Variants in CCDC196 observed in about 807,000 individuals in gnomAD.
CCDC196 encodes coiled-coil domain containing 196.
chr14:66,496,133 T>C, intron 8 of CCDC196: 1 of 363,442 alleles, frequency 2.8e-6, no homozygotes, highest in Non-Finnish European at 5.4e-6. Flanking sequence ...TTTTCTCTAG[T>C]TTCAAAAGAA....
chr14:66,495,354 C>T (rs574839480), intron 8 of CCDC196, among the ~76,000 whole-genome samples: 1 of 152,270 alleles, frequency 6.6e-6, no homozygotes, highest in East Asian at 1.9e-4. Context: ...ATACAAACAA[C>T]ATTAACATGG....
chr14:66,496,474 A>T (rs1409970915), intron 8 of CCDC196: 3 of 432,538 alleles, frequency 6.9e-6, no homozygotes, highest in African/African-American at 4.0e-5. Flanking sequence ...ATGCTGCCTC[A>T]CTTAGTCTGT....
At chr14:66,498,052 T>G (rs75829860) in intron 8 of CCDC196, 57 bp from the exon 9 acceptor site, 73 of 138,302 alleles carry the variant, frequency 5.3e-4, no homozygotes, top group Non-Finnish European at 7.4e-4. Flanking sequence ...AAACTAGTGG[T>G]TTTTTTTTTT....
At chr14:66,486,967 G>C (rs1317256709) in intron 2 of CCDC196, among the ~76,000 whole-genome samples, 158 bp downstream of exon 2, 1 of 151,898 alleles carries the variant, frequency 6.6e-6, no homozygotes, top group African/African-American at 2.4e-5. Context: ...ACCAAGTCAG[G>C]GTGACAACAA....
At chr14:66,490,671 C>A in intron 4 of CCDC196, 71 bp from the exon 5 acceptor site, 1 of 398,416 alleles carries the variant, frequency 2.5e-6, no homozygotes. Flanking sequence ...AAAACCTTGA[C>A]CCATATTGGT....
At chr14:66,491,256 A>C (rs2057528412) in intron 6 of CCDC196, among the ~76,000 whole-genome samples, 152 bp downstream of exon 6, 1 of 152,210 alleles carries the variant, frequency 6.6e-6, no homozygotes. Context: ...TTTGAGTTAG[A>C]GTGATATCAC....
At chr14:66,487,998 T>C (rs2057448846) in intron 2 of CCDC196, among the ~76,000 whole-genome samples, 162 bp from the exon 3 acceptor site, 1 of 152,154 alleles carries the variant, frequency 6.6e-6, no homozygotes, top group Admixed American at 6.5e-5. Flanking sequence ...AATGGAAACA[T>C]CTTAGTTACA....
chr14:66,495,305 A>G (rs1157144737), intron 8 of CCDC196, among the ~76,000 whole-genome samples: 3 of 152,216 alleles, frequency 2.0e-5, no homozygotes, highest in African/African-American at 7.2e-5. Flanking sequence ...CTCACCAGTT[A>G]TATGACTTGG....
At chr14:66,490,322 T>C (rs1256781637) in intron 4 of CCDC196, among the ~76,000 whole-genome samples, 4 of 152,220 alleles carry the variant, frequency 2.6e-5, no homozygotes, top group Non-Finnish European at 5.9e-5. Context: ...AAGATCTGGT[T>C]CAAATTCCAA....
chr14:66,486,473 C>T lies in CCDC196; in HGVS notation c.-30C>T, dbSNP rs202231583. 1 of 408,692 alleles carries T rather than the reference C, an allele frequency of 2.4e-6. No individual in the cohort carries two copies. The highest frequency in any genetic ancestry group is 4.4e-6 in the Non-Finnish European group (1 of 225,968). 25.3% of individuals were successfully genotyped at this position (408,692 alleles called of 1,614,324 possible). A position where few individuals can be genotyped will look rare whatever the true frequency, so the allele number is the denominator to read the frequency against. On this transcript the variant is annotated 5_prime_UTR_variant, in exon 1 of 10. Coordinates refer to ENST00000636229, the MANE Select transcript of CCDC196 (RefSeq NM_001351576.1). Reference sequence around the variant, plus strand: ...AAAAAGGCACATATTTTCAGGAAGGCCTCTTTATTCTTAGAAGTTACCCTT... The same window carrying T: ...AAAAAGGCACATATTTTCAGGAAGGTCTCTTTATTCTTAGAAGTTACCCTT...
chr14:66,492,488 C>G (rs375147576), intron 8 of CCDC196, among the ~76,000 whole-genome samples: 2 of 151,884 alleles, frequency 1.3e-5, no homozygotes, highest in Admixed American at 6.6e-5. Flanking sequence ...ATTACAGGCA[C>G]GCACCACCAT....
At position 66,486,809 on chromosome 14, in the gene CCDC196, G is replaced by A. The variant is rs2057411827; in HGVS notation, c.203G>A (p.Ser68Asn). The stretch of plus-strand genomic sequence containing the variant: ...TCTAACTTGGAGGAAAAACAAAGGA[G>A]GTACGGGCTCTTACTCTGGATTCCT... The part of the protein sequence containing the change: ...LMSNLEEKQR[S>N]LQIMRQIMAG... The change falls in exon 2 of 10, where the codon AGT (serine) becomes AAT (asparagine). Residue 68 changes from serine to asparagine, a missense_variant and splice_region_variant. Coordinates refer to ENST00000636229, the MANE Select transcript of CCDC196 (RefSeq NM_001351576.1). The A allele has an allele frequency of 2.4e-6, 1 of 413,082 alleles. No homozygotes were observed. The highest frequency in any genetic ancestry group is 3.6e-5 in the East Asian group (1 of 28,062). The allele number at this position is 413,082 out of a possible 1,614,324, so 25.6% of individuals were successfully genotyped here.
intron 8 of CCDC196, chr14:66,495,607 A>T (rs1375198445): frequency 6.6e-6 from 1 of 152,220 alleles, no homozygotes; most frequent in Non-Finnish European, 1.5e-5. Flanking sequence ...CTCAGTGAAG[A>T]AGCATACTCC....
chr14:66,491,590 T>G (rs1472788071), intron 6 of CCDC196, 36 bp from the exon 7 acceptor site: 2 of 413,640 alleles, frequency 4.8e-6, no homozygotes, highest in Non-Finnish European at 4.4e-6. Context: ...CTGATCTCAA[T>G]TTACTTTGTC....
chr14:66,497,061 G>A (rs1369152365), intron 8 of CCDC196, among the ~76,000 whole-genome samples: 1 of 152,140 alleles, frequency 6.6e-6, no homozygotes, highest in Non-Finnish European at 1.5e-5. Flanking sequence ...TGCTGCTGAA[G>A]GGAAAATAGT....
intron 8 of CCDC196, among the ~76,000 whole-genome samples, chr14:66,493,500 C>T (rs545516296): frequency 2.6e-5 from 4 of 152,240 alleles, no homozygotes; most frequent in African/African-American, 7.2e-5. Flanking sequence ...TGATGATAGT[C>T]GCCAATGTCT....
At chr14:66,490,101 A>G (rs2057501495) in intron 4 of CCDC196, among the ~76,000 whole-genome samples, 1 of 152,176 alleles carries the variant, frequency 6.6e-6, no homozygotes. Flanking sequence ...GCAGTTACAA[A>G]TTAGTTCTAT....
intron 2 of CCDC196, among the ~76,000 whole-genome samples, chr14:66,487,164 CTA>C (rs1337970329): frequency 6.6e-6 from 1 of 152,098 alleles, no homozygotes; most frequent in African/African-American, 2.4e-5. Flanking sequence ...TCTGCTCTTT[CTA>C]TGCCAAGCAG....
At chr14:66,487,768 T>C (rs949522151) in intron 2 of CCDC196, among the ~76,000 whole-genome samples, 4 of 152,150 alleles carry the variant, frequency 2.6e-5, no homozygotes, top group African/African-American at 9.7e-5. Context: ...AGAGATGGGT[T>C]AGGAAATAAC....
Sources: allele counts gnomAD v4.1 joint callset (sites outside exome capture counted in the v4.1 genomes callset), GRCh38; gene constraint gnomAD v4.1.1; transcripts MANE v1.5; gene names NCBI Gene and HGNC (gene_info 2026-07-23, HGNC 2026-07-21).